LMX1A: variants seen among roughly 807,000 people sequenced by gnomAD.
The protein encoded by LMX1A is LIM homeobox transcription factor 1-alpha.
A neutral mutation model predicts 49.1 loss-of-function variants in LMX1A; 15 were observed. The observed-to-expected ratio is 0.31, with a 90% CI of 0.20 to 0.47. The LOEUF (loss-of-function observed/expected upper bound fraction) is 0.47, where lower values mean the gene tolerates loss of function less well. Among genes scored for constraint, LMX1A ranks in the 20% least tolerant of loss-of-function variants. The pLI is 1.00. For missense variants in LMX1A, 372 were observed against 475.8 expected, an observed-to-expected ratio of 0.78 and a Z score of 2.03; for synonymous variants, 167 against 185.7, an observed-to-expected ratio of 0.90 and a Z score of 0.82.
intron 3 of LMX1A, among the ~76,000 whole-genome samples, chr1:165,323,970 T>C (rs1655497028): frequency 6.6e-6 from 1 of 152,254 alleles, no homozygotes; most frequent in African/African-American, 2.4e-5. Context: ...ATGCTTGTAG[T>C]TAACCTATCA....
At chr1:165,227,096 T>C (rs1416668501) in intron 4 of LMX1A, among the ~76,000 whole-genome samples, 1 of 152,130 alleles carries the variant, frequency 6.6e-6, no homozygotes, top group Non-Finnish European at 1.5e-5. Flanking sequence ...CAAGAAGGCT[T>C]ACAGAAAGAG....
intron 3 of LMX1A, among the ~76,000 whole-genome samples, chr1:165,277,920 T>C (rs1464260283): frequency 6.6e-6 from 1 of 152,248 alleles, no homozygotes; most frequent in South Asian, 2.1e-4. Context: ...CCAGAAATTA[T>C]ATGGCTTTAA....
intron 7 of LMX1A, 129 bp from the exon 8 acceptor site, chr1:165,206,163 T>G: frequency 1.3e-6 from 1 of 788,782 alleles, no homozygotes; most frequent in Non-Finnish European, 1.9e-6. Flanking sequence ...GCCTTTGTCC[T>G]ACCAGAGGCC....
intron 3 of LMX1A, among the ~76,000 whole-genome samples, chr1:165,250,341 C>T (rs1255388248): frequency 1.3e-5 from 2 of 152,122 alleles, no homozygotes; most frequent in Non-Finnish European, 2.9e-5. Flanking sequence ...TACAGACTGG[C>T]GCCAGGCAGG....
chr1:165,350,756 G>A (rs925516606), intron 3 of LMX1A, among the ~76,000 whole-genome samples: 2 of 152,208 alleles, frequency 1.3e-5, no homozygotes, highest in African/African-American at 4.8e-5. Context: ...GCACAGGCCA[G>A]TACTGCTATG....
At chr1:165,268,703 G>A (rs1653698768) in intron 3 of LMX1A, among the ~76,000 whole-genome samples, 1 of 152,204 alleles carries the variant, frequency 6.6e-6, no homozygotes, top group Non-Finnish European at 1.5e-5. Flanking sequence ...ACCTCTCTGA[G>A]CCTGAATTTC....
At chr1:165,345,069 G>T (rs1241910718) in intron 3 of LMX1A, among the ~76,000 whole-genome samples, 2 of 152,228 alleles carry the variant, frequency 1.3e-5, no homozygotes, top group Non-Finnish European at 2.9e-5. Context: ...ACAATGCTAA[G>T]AATGAAAATA....
At position 165,355,356 on chromosome 1, in the gene LMX1A, G is replaced by A; in HGVS notation, c.76+128C>T. 1.2e-6 allele frequency: 1 copy of A among 824,086 alleles called. No individual in the cohort carries two copies. Among genetic ancestry groups the A allele is most frequent in the Non-Finnish European group, 2.0e-6 (1 of 509,068 alleles). The allele number at this position is 824,086 out of a possible 1,614,324, so 51.0% of individuals were successfully genotyped here. A position where few individuals can be genotyped will look rare whatever the true frequency, so the allele number is the denominator to read the frequency against. On this transcript the variant is annotated intron_variant, in intron 2 of 8. Transcript: ENST00000342310. This position sits in a 1 kb window ranked among gnomAD's most constrained non-coding sequence, Gnocchi z 4.7. ...GCACTGACGGACAGATAGTGATGGG[G>A]CTCAATTTAGTGTATGAAGAGGGGC...
At chr1:165,247,168 A>G (rs1223397682) in intron 4 of LMX1A, among the ~76,000 whole-genome samples, 2 of 148,006 alleles carry the variant, frequency 1.4e-5, no homozygotes, top group African/African-American at 5.0e-5. Flanking sequence ...ACATAGGTCC[A>G]ACTGTATAAC....
intron 3 of LMX1A, among the ~76,000 whole-genome samples, chr1:165,319,334 A>G (rs1463438722): frequency 6.6e-6 from 1 of 152,192 alleles, no homozygotes; most frequent in Non-Finnish European, 1.5e-5. Flanking sequence ...ACAAGTATAG[A>G]TTTATTAAAG....
At chr1:165,306,974 C>G (rs528582122) in intron 3 of LMX1A, among the ~76,000 whole-genome samples, 2 of 152,254 alleles carry the variant, frequency 1.3e-5, no homozygotes, top group Non-Finnish European at 2.9e-5. Flanking sequence ...CAGCAACTCT[C>G]CCCATGTCCT....
chr1:165,239,775 A>G (rs890989257), intron 4 of LMX1A, among the ~76,000 whole-genome samples: 1 of 152,222 alleles, frequency 6.6e-6, no homozygotes, highest in Non-Finnish European at 1.5e-5. Context: ...CTTAATAAGA[A>G]TAACAACAAT....
At chr1:165,251,959 G>A (rs978429079) in intron 3 of LMX1A, among the ~76,000 whole-genome samples, 1 of 152,126 alleles carries the variant, frequency 6.6e-6, no homozygotes, top group African/African-American at 2.4e-5. Context: ...AAAATCTTGG[G>A]CAGGTTGTTT....
Position 165,259,778 on chromosome 1 carries a change from G to A in LMX1A, c.264-10138C>T, listed in dbSNP as rs866154088. 1.7e-4 allele frequency among the ~76,000 whole-genome samples: 26 copies of A among 152,316 alleles called. No individual in the cohort carries two copies. In the Middle Eastern group the frequency reaches 0.014, roughly 80 times the overall value. ...GAGATTATACCATGGCCCAATGAGA[G>A]ATGAAAAGGTACTCCTCCAGGCTCT... On this transcript the variant is annotated intron_variant, in intron 3 of 8. Coordinates refer to ENST00000342310, the MANE Select transcript of LMX1A (RefSeq NM_177398.4).
chr1:165,263,833 C>T (rs1334011729), intron 3 of LMX1A, among the ~76,000 whole-genome samples: 2 of 152,168 alleles, frequency 1.3e-5, no homozygotes, highest in African/African-American at 4.8e-5. Context: ...GCCATTATAT[C>T]ACTGCCTAAC....
intron 4 of LMX1A, among the ~76,000 whole-genome samples, chr1:165,221,040 A>G (rs1412210223): frequency 2.0e-5 from 3 of 152,114 alleles, no homozygotes; most frequent in Non-Finnish European, 4.4e-5. Context: ...ATGCCTTGTT[A>G]TCGGTTTTTT....
At chr1:165,204,229 G>T (rs934185506) in intron 8 of LMX1A, among the ~76,000 whole-genome samples, 189 bp from the exon 9 acceptor site, 2 of 152,138 alleles carry the variant, frequency 1.3e-5, no homozygotes, top group Non-Finnish European at 2.9e-5. Flanking sequence ...TCTAAACCAG[G>T]ATATGACAAA....
chr1:165,309,475 C>T (rs1236234551), intron 3 of LMX1A, among the ~76,000 whole-genome samples: 3 of 152,202 alleles, frequency 2.0e-5, no homozygotes, highest in African/African-American at 7.2e-5. Flanking sequence ...TTCCCCCAGG[C>T]CTTCTGCCTC....
intron 4 of LMX1A, among the ~76,000 whole-genome samples, chr1:165,239,177 G>A (rs747136387): frequency 6.6e-6 from 1 of 152,152 alleles, no homozygotes; most frequent in African/African-American, 2.4e-5. Context: ...GATTAAATAT[G>A]CTGTGAAGCA....
Sources: allele counts gnomAD v4.1 joint callset (sites outside exome capture counted in the v4.1 genomes callset), GRCh38; gene constraint gnomAD v4.1.1; non-coding constraint Gnocchi (gnomAD v3.1); transcripts MANE v1.5; gene names NCBI Gene and HGNC (gene_info 2026-07-23, HGNC 2026-07-21).